The following CCDC172 variants were observed in gnomAD, a reference collection of about 807,000 sequenced individuals.
The protein encoded by CCDC172 is coiled-coil domain-containing protein 172.
Under a neutral mutation model 38.0 loss-of-function variants are expected in CCDC172, and 30 were observed. That is an observed-to-expected ratio of 0.79 (90% CI 0.59 to 1.07). CCDC172 has a LOEUF of 1.07. Ranked by LOEUF, CCDC172 falls within the 50% of genes least tolerant of loss-of-function variation. CCDC172 has a pLI of 0.00. For missense variants in CCDC172, 297 were observed against 290.1 expected (o/e 1.02, Z -0.17); for synonymous variants, 78 against 88.3 (o/e 0.88, Z 0.66).
rs544840787 is a variant in CCDC172 at position 116,338,837 on chromosome 10, C to T, written c.166-1897C>T. On this transcript the variant is annotated intron_variant, in intron 3 of 8. Coordinates refer to ENST00000333254, the MANE Select transcript of CCDC172 (RefSeq NM_198515.3). The stretch of plus-strand genomic sequence containing the variant: ...TTAGTTTGATAAGTAATATTTTCCT[C>T]ATTTTTGAGTTTTGGGTTTGACATA... Among the ~76,000 whole-genome samples the T allele has an allele frequency of 2.6e-5, 4 of 152,178 alleles. No individual in the cohort carries two copies. In the South Asian group the frequency reaches 8.3e-4, roughly 32 times the overall value.
At chr10:116,355,330 T>C (rs895371509) in intron 5 of CCDC172, among the ~76,000 whole-genome samples, 3 of 152,194 alleles carry the variant, frequency 2.0e-5, no homozygotes, top group Admixed American at 1.3e-4. Context: ...CAGTGTTCAG[T>C]ACAGTAACAT....
chr10:116,363,057 A>G (rs1031146953), intron 7 of CCDC172, among the ~76,000 whole-genome samples: 2 of 152,228 alleles, frequency 1.3e-5, no homozygotes, highest in Admixed American at 6.5e-5. Context: ...TATACAAGCC[A>G]TACAAAATAT....
chr10:116,362,533 C>T (rs940815433), intron 7 of CCDC172, among the ~76,000 whole-genome samples: 39 of 152,218 alleles, frequency 2.6e-4, no homozygotes, highest in African/African-American at 8.9e-4. Context: ...AGCAGCATTT[C>T]GTAGAGTAAT....
At chr10:116,355,866 G>C (rs1035646376) in intron 5 of CCDC172, among the ~76,000 whole-genome samples, 6 of 151,388 alleles carry the variant, frequency 4.0e-5, no homozygotes, top group African/African-American at 4.8e-5. Context: ...TTTCTTTGGT[G>C]GGGGGAGTGA....
intron 5 of CCDC172, among the ~76,000 whole-genome samples, chr10:116,353,716 T>C (rs1844960352): frequency 6.6e-6 from 1 of 152,120 alleles, no homozygotes; most frequent in Admixed American, 6.5e-5. Context: ...GTGTAAATAG[T>C]TTAAAAAGAA....
At chr10:116,337,700 C>T (rs948433988) in intron 3 of CCDC172, among the ~76,000 whole-genome samples, 1 of 151,894 alleles carries the variant, frequency 6.6e-6, no homozygotes, top group Non-Finnish European at 1.5e-5. Context: ...AAACCTGACC[C>T]GATATATTTA....
chr10:116,326,929 A>G (rs1214098392), intron 3 of CCDC172, among the ~76,000 whole-genome samples: 1 of 152,206 alleles, frequency 6.6e-6, no homozygotes, highest in Non-Finnish European at 1.5e-5. Flanking sequence ...GCAATGCTGA[A>G]AGCTGGTGGT....
At position 116,378,427 on chromosome 10, in the gene CCDC172, A is replaced by C; in HGVS notation, c.658A>C (p.Lys220Gln). 6.3e-7 allele frequency: 1 copy of C among 1,588,536 alleles called. No individual in the cohort carries two copies. Among genetic ancestry groups the C allele is most frequent in the African/African-American group, 1.4e-5 (1 of 73,370 alleles). ...TGAAATTTTCTTTTAAAATAGACTTAAAAAAGAATTAGAACTTTATAAGGA... is the reference window on the plus strand; with the variant it reads ...TGAAATTTTCTTTTAAAATAGACTTCAAAAAGAATTAGAACTTTATAAGGA... Reference protein sequence around the residue: ...PQNDTECLRLKKELELYKEDD... With the variant: ...PQNDTECLRLQKELELYKEDD... Residue 220 changes from lysine to glutamine, a missense_variant, in exon 8 of 9, where the codon AAA becomes CAA. By Grantham distance (53) the Lys-to-Gln change is moderately conservative. Transcript: ENST00000333254.
Position 116,363,931 on chromosome 10 carries a change from C to CA in CCDC172, c.653+6011dup, listed in dbSNP as rs5788159. On this transcript the variant is annotated intron_variant, in intron 7 of 8. Coordinates refer to ENST00000333254, the MANE Select transcript of CCDC172 (RefSeq NM_198515.3). ...GGGCAACAGGAGCGAGACTTGGTCT[C>CA]AAAAAAAAAAAAAAAAAATAATAAT... Among the ~76,000 whole-genome samples, 54 of 145,554 alleles carry CA rather than the reference C, an allele frequency of 3.7e-4. 2 individuals are homozygous for CA. The highest frequency in any genetic ancestry group is 1.6e-3 in the Admixed American group (24 of 14,722).
At chr10:116,360,136 A>T (rs936801401) in intron 7 of CCDC172, among the ~76,000 whole-genome samples, 1 of 152,222 alleles carries the variant, frequency 6.6e-6, no homozygotes, top group African/African-American at 2.4e-5. Context: ...GACTTATAGA[A>T]TATTGCTATG....
intron 7 of CCDC172, among the ~76,000 whole-genome samples, chr10:116,358,262 A>T (rs186510099): frequency 1.3e-5 from 2 of 152,226 alleles, no homozygotes; most frequent in Non-Finnish European, 1.5e-5. Context: ...GAAATGATTG[A>T]AATTACTTTT....
At chr10:116,379,291 C>A in intron 8 of CCDC172, 32 bp from the exon 9 acceptor site, 3 of 1,413,942 alleles carry the variant, frequency 2.1e-6, no homozygotes, top group Non-Finnish European at 2.9e-6. Flanking sequence ...ATTTACTTTT[C>A]CTCATGAGTA....
In CCDC172 at chr10:116,343,522, T is replaced by G. The variant is rs1167153127; in HGVS notation, c.448+1321T>G. Among the ~76,000 whole-genome samples the G allele has an allele frequency of 8.6e-5, 13 of 150,874 alleles. No individual in the cohort carries two copies. The East Asian group carries it at 1.2e-3, about 14-fold the overall frequency. The stretch of plus-strand genomic sequence containing the variant: ...TCCCTTCTCTGATCATTCGTTTTTT[T>G]TTTTTTTTTTAAAAAAATATATATA... On this transcript the variant is annotated intron_variant, in intron 5 of 8. Transcript: ENST00000333254.
At chr10:116,376,495 A>G (rs1845247305) in intron 7 of CCDC172, among the ~76,000 whole-genome samples, 1 of 152,194 alleles carries the variant, frequency 6.6e-6, no homozygotes, top group African/African-American at 2.4e-5. Flanking sequence ...TGTTAGTCAT[A>G]ATGCCAGAAA....
At chr10:116,351,098 T>C (rs1480211751) in intron 5 of CCDC172, among the ~76,000 whole-genome samples, 1 of 152,170 alleles carries the variant, frequency 6.6e-6, no homozygotes, top group African/African-American at 2.4e-5. Flanking sequence ...AAGAAAGATA[T>C]ATTTCAGAAA....
At chr10:116,339,097 G>A (rs144999530) in intron 3 of CCDC172, among the ~76,000 whole-genome samples, 1,562 of 152,024 alleles carry the variant, frequency 0.01, 35 homozygotes, top group African/African-American at 0.033. Context: ...CTAGGATTTG[G>A]TAATTTCCTT....
At chr10:116,354,613 A>G (rs1756206821) in intron 5 of CCDC172, among the ~76,000 whole-genome samples, 1 of 152,200 alleles carries the variant, frequency 6.6e-6, no homozygotes, top group Admixed American at 6.5e-5. Flanking sequence ...AGTCCCAGCT[A>G]CTTGGGAGGC....
chr10:116,343,604 G>A (rs910336103), intron 5 of CCDC172, among the ~76,000 whole-genome samples: 8 of 150,340 alleles, frequency 5.3e-5, no homozygotes, highest in Admixed American at 2.0e-4. Flanking sequence ...TAAAAGTTGC[G>A]TATCATTCCT....
At chr10:116,335,012 T>A (rs1012541075) in intron 3 of CCDC172, among the ~76,000 whole-genome samples, 1 of 152,080 alleles carries the variant, frequency 6.6e-6, no homozygotes, top group African/African-American at 2.4e-5. Flanking sequence ...ATTCTTTCTT[T>A]ATCATTTGTT....
Sources: gnomAD v4.1 joint callset for allele counts (sites outside exome capture counted in the v4.1 genomes callset) on GRCh38, gnomAD v4.1.1 for gene constraint, MANE v1.5 for transcripts, NCBI Gene and HGNC (gene_info 2026-07-23, HGNC 2026-07-21) for gene names.